The following IRGM variants were observed in gnomAD, a reference collection of about 807,000 sequenced individuals.
The protein encoded by IRGM is immunity-related GTPase family M protein.
For synonymous variants in IRGM, 98 were observed against 80.6 expected (o/e 1.22, Z -1.16); for missense variants, 288 against 219.9 (o/e 1.31, Z -1.96).
At position 150,870,872 on chromosome 5, in the gene IRGM, T is replaced by G. The variant is rs1013204183; in HGVS notation, c.159-7108T>G. On this transcript the variant is annotated intron_variant and NMD_transcript_variant, in intron 1 of 3. Coordinates refer to the IRGM transcript ENST00000520549. ...GTTGTTTGTTTCTGTTTTTGTTGTT[T>G]TGATTTGTTTCCCATTGGGTTTGAC... Among the ~76,000 whole-genome samples, 4 of 152,158 alleles carry G rather than the reference T, an allele frequency of 2.6e-5. 1 individual carries two copies. Among genetic ancestry groups the G allele is most frequent in the East Asian group, 3.8e-4 (2 of 5,202 alleles).
At chr5:150,896,570 G>C (rs781401526) in intron 3 of IRGM, 2 of 1,613,660 alleles carry the variant, frequency 1.2e-6, no homozygotes, top group Non-Finnish European at 1.7e-6. Flanking sequence ...GCTCACTCTG[G>C]CTAGATGATT....
intron 1 of IRGM, chr5:150,877,882 A>C: frequency 2.5e-6 from 1 of 407,460 alleles, no homozygotes; most frequent in Non-Finnish European, 4.9e-6. Context: ...GCATAACTTA[A>C]AGATTTCAGG....
intron 3 of IRGM, chr5:150,896,469 A>G: frequency 6.2e-7 from 1 of 1,613,550 alleles, no homozygotes; most frequent in Non-Finnish European, 8.5e-7. Context: ...CTGATATTGA[A>G]TAAGGGATTG....
At chr5:150,898,128 A>G in intron 3 of IRGM, 1 of 1,613,650 alleles carries the variant, frequency 6.2e-7, no homozygotes, top group South Asian at 1.1e-5. Context: ...TTTATGATCC[A>G]TGGCTCTTCT....
chr5:150,874,552 A>G (rs1160297458), intron 1 of IRGM, among the ~76,000 whole-genome samples: 1 of 152,216 alleles, frequency 6.6e-6, no homozygotes, highest in Non-Finnish European at 1.5e-5. Flanking sequence ...TTTTGAAGAC[A>G]ACATATTCCT....
At chr5:150,871,915 C>T (rs1754288434) in intron 1 of IRGM, among the ~76,000 whole-genome samples, 6 of 152,118 alleles carry the variant, frequency 3.9e-5, no homozygotes. Context: ...ATAGGTAGTC[C>T]CTACCTAAAT....
rs1286631714 is a variant in IRGM, at chr5:150,846,950, C to A, written c.-686C>A. The A allele has an allele frequency of 3.3e-5, 5 of 152,800 alleles. No individual in the cohort carries two copies. The highest frequency in any genetic ancestry group is 9.6e-5 in the African/African-American group (4 of 41,466). 9.5% of individuals were successfully genotyped at this position (152,800 alleles called of 1,614,324 possible). A position where few individuals can be genotyped will look rare whatever the true frequency, so the allele number is the denominator to read the frequency against. On this transcript the variant is annotated 5_prime_UTR_variant, in exon 1 of 2. Coordinates refer to ENST00000522154, the MANE Select transcript of IRGM (RefSeq NM_001145805.2). The stretch of plus-strand genomic sequence containing the variant: ...CAATTCCGGTAGGAGTAGGAAATCA[C>A]ATCACCTTCTTTTAATCAGTCTCAA...
At chr5:150,898,260 T>C in intron 3 of IRGM, 2 of 1,599,804 alleles carry the variant, frequency 1.3e-6, no homozygotes, top group East Asian at 2.2e-5. Flanking sequence ...TCAGATGGTC[T>C]ACAATAAAGC....
intron 1 of IRGM, among the ~76,000 whole-genome samples, chr5:150,859,046 T>C (rs1451744630): frequency 1.3e-5 from 2 of 152,186 alleles, no homozygotes; most frequent in African/African-American, 4.8e-5. Flanking sequence ...CCATTCAGTA[T>C]GATATTGGTT....
At chr5:150,850,237 ATATG>A (rs1455417933), downstream of IRGM, among the ~76,000 whole-genome samples, 9 of 152,226 alleles carry the variant, frequency 5.9e-5, no homozygotes, top group Non-Finnish European at 1.0e-4. Context: ...ATTTAAAAAA[ATATG>A]TATGGCAGTA....
chr5:150,894,428 G>C (rs1754676604), intron 3 of IRGM: 1 of 152,186 alleles, frequency 6.6e-6, no homozygotes, highest in South Asian at 2.1e-4. Context: ...GTTTATGTAA[G>C]TATATGAAAA....
chr5:150,901,651 A>G (rs1177556726), downstream of IRGM, among the ~76,000 whole-genome samples: 1 of 152,140 alleles, frequency 6.6e-6, no homozygotes, highest in Non-Finnish European at 1.5e-5. Flanking sequence ...TGATGATGTA[A>G]TAACAGCTGA....
rs1489736190 is a variant in IRGM, at chr5:150,848,574, G to T, written c.451G>T (p.Asp151Tyr). 1 of 1,551,784 alleles carries T rather than the reference G, an allele frequency of 6.4e-7. No homozygotes were observed. The highest frequency in any genetic ancestry group is 1.4e-5 in the African/African-American group (1 of 73,160). ...CATTGTCTGGACCAAGCTAGACATGGACCTCAGCACAGGTGCCCTCCCAGA... is the reference window on the plus strand; with the variant it reads ...CATTGTCTGGACCAAGCTAGACATGTACCTCAGCACAGGTGCCCTCCCAGA... Reference protein sequence around the residue: ...FYIVWTKLDMDLSTGALPEVQ... With the variant: ...FYIVWTKLDMYLSTGALPEVQ... Residue 151 changes from aspartate to tyrosine, a missense_variant, in exon 2 of 2, where the codon GAC (aspartate) becomes TAC (tyrosine). Physicochemically the swap from Asp to Tyr is radical, Grantham distance 160. Coordinates refer to ENST00000522154, the MANE Select transcript of IRGM (RefSeq NM_001145805.2).
chr5:150,850,469 G>T (rs749656366), downstream of IRGM, among the ~76,000 whole-genome samples: 3 of 152,150 alleles, frequency 2.0e-5, no homozygotes, highest in Non-Finnish European at 4.4e-5. Context: ...GTGCATACTT[G>T]CTCATGTATA....
At position 150,848,120 on chromosome 5, in the gene IRGM, G is replaced by C; in HGVS notation, c.-4G>C. The stretch of plus-strand genomic sequence containing the variant: ...CTGGCCAGCATTGGGGTATTTTATT[G>C]AAGATGGAAGCCATGAATGTTGAGA... On this transcript the variant is annotated 5_prime_UTR_variant, in exon 2 of 2. Coordinates refer to ENST00000522154, the MANE Select transcript of IRGM (RefSeq NM_001145805.2). The C allele has an allele frequency of 6.5e-7, 1 of 1,536,926 alleles. No individual in the cohort carries two copies. The highest frequency in any genetic ancestry group is 1.4e-5 in the African/African-American group (1 of 72,666).
chr5:150,869,344 G>T (rs757736164), intron 1 of IRGM, among the ~76,000 whole-genome samples: 10 of 151,994 alleles, frequency 6.6e-5, no homozygotes, highest in Non-Finnish European at 1.3e-4. Context: ...TGATCATGGT[G>T]GATTATCTTT....
intron 3 of IRGM, among the ~76,000 whole-genome samples, chr5:150,885,108 G>A (rs1431235696): frequency 3.3e-5 from 5 of 152,078 alleles, no homozygotes; most frequent in African/African-American, 1.2e-4. Flanking sequence ...GTAAGAAAGG[G>A]GTTCAGCTTC....
At chr5:150,867,906 T>C (rs1754230185) in intron 1 of IRGM, among the ~76,000 whole-genome samples, 1 of 152,154 alleles carries the variant, frequency 6.6e-6, no homozygotes, top group Non-Finnish European at 1.5e-5. Context: ...ATGCATAGTT[T>C]GCAAAAGATT....
At chr5:150,850,870 C>T (rs866883377), downstream of IRGM, among the ~76,000 whole-genome samples, 10 of 152,076 alleles carry the variant, frequency 6.6e-5, no homozygotes, top group African/African-American at 9.7e-5. Context: ...AGGAGGACTG[C>T]GAGGCAAAGA....
Sources: allele counts gnomAD v4.1 joint callset (sites outside exome capture counted in the v4.1 genomes callset), GRCh38; gene constraint gnomAD v4.1.1; transcripts MANE v1.5; gene names NCBI Gene and HGNC (gene_info 2026-07-23, HGNC 2026-07-21).